The following PRKAR1A variants were observed in gnomAD, a reference collection of about 807,000 sequenced individuals.
PRKAR1A encodes the protein protein kinase cAMP-dependent type I regulatory subunit alpha.
In PRKAR1A, 3 loss-of-function variants were observed where a neutral mutation model predicts 52.0. The observed-to-expected ratio is 0.06, with a 90% CI of 0.03 to 0.15. PRKAR1A has a LOEUF of 0.15. PRKAR1A is among the 10% of genes least tolerant of loss of function. PRKAR1A has a pLI of 1.00. For synonymous variants in PRKAR1A, 188 were observed against 168.4 expected, an observed-to-expected ratio of 1.12 and a Z score of -0.90; for missense variants, 240 against 477.4, an observed-to-expected ratio of 0.50 and a Z score of 4.63.
chr17:68,483,610 C>A, the PRKAR1A span, among the ~76,000 whole-genome samples: 1 of 152,102 alleles, frequency 6.6e-6, no homozygotes, highest in Non-Finnish European at 1.5e-5. Context: ...GCCTGTAATC[C>A]CAGCACTTTG....
the PRKAR1A span, among the ~76,000 whole-genome samples, chr17:68,455,268 CAGG>C: frequency 4.0e-5 from 6 of 148,872 alleles, no homozygotes; most frequent in African/African-American, 1.5e-4. Context: ...GAGGCTGAGA[CAGG>C]AGAATCGCTT....
intron 11 of PRKAR1A, among the ~76,000 whole-genome samples, chr17:68,548,403 G>A (rs368362986): frequency 1.2e-3 from 181 of 152,174 alleles, no homozygotes; most frequent in Non-Finnish European, 2.2e-3. Context: ...GGTGGGCAGC[G>A]CCTTTAGTCC....
At chr17:68,430,179 G>T in the PRKAR1A span, 9 of 1,602,906 alleles carry the variant, frequency 5.6e-6, no homozygotes, top group Non-Finnish European at 7.7e-6. Flanking sequence ...TAATGCACAG[G>T]CAACGATGGG....
rs2085985850 is a variant in PRKAR1A at position 68,531,896 on chromosome 17, G to A, written c.*1447G>A. On this transcript the variant is annotated 3_prime_UTR_variant, in exon 11 of 11. Transcript: ENST00000589228. ...CATTGTGATTTATATATAAGGTAAT[G>A]TAGGGTTATATTTGGGAGTGACTGC... 2 of 1,050,820 alleles carry A rather than the reference G, an allele frequency of 1.9e-6. No homozygotes were observed. Among genetic ancestry groups the A allele is most frequent in the Middle Eastern group, 4.2e-4 (1 of 2,394 alleles). The allele number at this position is 1,050,820 out of a possible 1,614,324, so 65.1% of individuals were successfully genotyped here.
the PRKAR1A span, chr17:68,421,516 A>C: frequency 2.0e-6 from 1 of 507,416 alleles, no homozygotes; most frequent in Non-Finnish European, 3.6e-6. Context: ...CAATATGGTT[A>C]ATTAGCATTT....
At chr17:68,528,589 C>T (rs987636441) in intron 8 of PRKAR1A, 6 of 428,132 alleles carry the variant, frequency 1.4e-5, no homozygotes, top group South Asian at 9.6e-5. Flanking sequence ...TTCAGGAATA[C>T]TTAAGGATTA....
the PRKAR1A span, among the ~76,000 whole-genome samples, chr17:68,465,625 A>ATTTTTTTTTTTTTTTTTTTTT: frequency 1.6e-4 from 11 of 67,190 alleles, 2 homozygotes; most frequent in African/African-American, 1.7e-4. Flanking sequence ...ACGCCCAGCA[A>ATTTTTTTTTTTTTTTTTTTTT]TTTTTTTTTT....
At chr17:68,463,358 C>T in the PRKAR1A span, among the ~76,000 whole-genome samples, 1 of 152,224 alleles carries the variant, frequency 6.6e-6, no homozygotes, top group South Asian at 2.1e-4. Context: ...ACCACTTCCT[C>T]TGAAGGAGGA....
At chr17:68,548,723 A>AT (rs200833117) in intron 11 of PRKAR1A, among the ~76,000 whole-genome samples, 2,484 of 117,748 alleles carry the variant, frequency 0.021, 152 homozygotes, top group African/African-American at 0.076. Flanking sequence ...CTATGCCTGT[A>AT]TATTTTTTTT....
the PRKAR1A span, among the ~76,000 whole-genome samples, chr17:68,506,473 G>C: frequency 6.8e-6 from 1 of 148,042 alleles, no homozygotes; most frequent in African/African-American, 2.5e-5. Flanking sequence ...GGCCCCTTCA[G>C]ACTGTGAAAT....
chr17:68,477,133 T>C, the PRKAR1A span, among the ~76,000 whole-genome samples: 1 of 152,220 alleles, frequency 6.6e-6, no homozygotes, highest in Non-Finnish European at 1.5e-5. Flanking sequence ...TATAGTAATT[T>C]TATAAATCCA....
chr17:68,424,770 G>C, the PRKAR1A span, among the ~76,000 whole-genome samples: 1 of 152,134 alleles, frequency 6.6e-6, no homozygotes, highest in Non-Finnish European at 1.5e-5. Context: ...GCAGCTACTC[G>C]GGAGGCTGAG....
chr17:68,504,184 G>T, the PRKAR1A span, among the ~76,000 whole-genome samples: 1 of 152,094 alleles, frequency 6.6e-6, no homozygotes, highest in Non-Finnish European at 1.5e-5. Context: ...GTGGTACAAG[G>T]CTGGGCATGG....
At chr17:68,487,783 G>A in the PRKAR1A span, among the ~76,000 whole-genome samples, 1 of 148,512 alleles carries the variant, frequency 6.7e-6, no homozygotes, top group Non-Finnish European at 1.5e-5. Flanking sequence ...CTGGGCGACA[G>A]AGTAAGACCT....
At chr17:68,435,612 G>A in the PRKAR1A span, 10 of 1,613,804 alleles carry the variant, frequency 6.2e-6, no homozygotes, top group Non-Finnish European at 8.5e-6. Flanking sequence ...TGGTGGGAGT[G>A]GACTCACTTT....
chr17:68,422,110 C>A, the PRKAR1A span: 1 of 377,490 alleles, frequency 2.6e-6, no homozygotes, highest in South Asian at 3.3e-5. Context: ...TACTTGTAAA[C>A]ATGGACTGCT....
Position 68,532,203 on chromosome 17 carries a change from T to C in PRKAR1A, c.*1754T>C. The C allele has an allele frequency of 1.9e-6, 2 of 1,034,488 alleles. No homozygotes were observed. Among genetic ancestry groups the C allele is most frequent in the Non-Finnish European group, 2.3e-6 (2 of 851,326 alleles). The allele number at this position is 1,034,488 out of a possible 1,614,324, so 64.1% of individuals were successfully genotyped here. On this transcript the variant is annotated 3_prime_UTR_variant, in exon 11 of 11. Coordinates refer to ENST00000589228, the MANE Select transcript of PRKAR1A (RefSeq NM_002734.5). ...TTGTGTTTAGCTACCTTTTTATATTTAAAAAATTAAAAATGAAAATTACGT... is the reference window on the plus strand; with the variant it reads ...TTGTGTTTAGCTACCTTTTTATATTCAAAAAATTAAAAATGAAAATTACGT...
chr17:68,525,714 A>G, intron 6 of PRKAR1A, 40 bp from the exon 7 acceptor site: 1 of 1,602,670 alleles, frequency 6.2e-7, no homozygotes, highest in African/African-American at 1.3e-5. Context: ...AAGTGTTTGT[A>G]TCTAGAAAAT....
At chr17:68,528,712 G>A in intron 8 of PRKAR1A, 158 bp from the exon 9 acceptor site, 1 of 939,578 alleles carries the variant, frequency 1.1e-6, no homozygotes, top group Non-Finnish European at 1.7e-6. Flanking sequence ...ATCCTGCTCA[G>A]ACTAGAGGTA....
Sources: gnomAD v4.1 joint callset for allele counts (sites outside exome capture counted in the v4.1 genomes callset) on GRCh38, gnomAD v4.1.1 for gene constraint, MANE v1.5 for transcripts, NCBI Gene and HGNC (gene_info 2026-07-23, HGNC 2026-07-21) for gene names.